Variants in LRFN5 observed in about 807,000 individuals in gnomAD.
LRFN5 encodes leucine-rich repeat and fibronectin type-III domain-containing protein 5.
LRFN5 carries 24 observed loss-of-function variants against 45.6 expected under a neutral mutation model. The ratio of observed to expected loss-of-function variants is 0.53; its 90% CI spans 0.38 to 0.74. The LOEUF (loss-of-function observed/expected upper bound fraction) is 0.74. Ranked by LOEUF, LRFN5 falls within the 30% of genes least tolerant of loss-of-function variation. The pLI, the probability that LRFN5 is intolerant of heterozygous loss-of-function variation, is 0.00. For missense variants in LRFN5, 776 were observed against 861.5 expected, an observed-to-expected ratio of 0.90 and a Z score of 1.24; for synonymous variants, 340 against 313.8, an observed-to-expected ratio of 1.08 and a Z score of -0.88.
rs139897809 is a variant in LRFN5 at position 41,738,065 on chromosome 14, T to A, written c.-196-28789T>A. 2.6e-3 allele frequency among the ~76,000 whole-genome samples: 403 copies of A among 152,268 alleles called. 3 individuals carry two copies. The highest frequency in any genetic ancestry group is 4.3e-3 in the Non-Finnish European group (295 of 68,022). The stretch of plus-strand genomic sequence containing the variant: ...CAATCTTAAATAAAAAGAACAAAGC[T>A]GGAGGCATCACATTACCTGACTTCA... On this transcript the variant is annotated intron_variant, in intron 1 of 5. Transcript: ENST00000298119.
intron 1 of LRFN5, among the ~76,000 whole-genome samples, chr14:41,763,019 T>C (rs2138873355): frequency 6.6e-6 from 1 of 152,308 alleles, no homozygotes; most frequent in East Asian, 1.9e-4. Context: ...TATGAATATT[T>C]AAAATGAAGG....
intron 2 of LRFN5, among the ~76,000 whole-genome samples, chr14:41,773,259 C>T (rs1025718636): frequency 6.6e-6 from 1 of 152,152 alleles, no homozygotes; most frequent in Non-Finnish European, 1.5e-5. Context: ...GACTGTTTCT[C>T]CCTGAGCAGC....
chr14:41,675,447 A>G (rs1025524989), intron 1 of LRFN5, among the ~76,000 whole-genome samples: 3 of 152,238 alleles, frequency 2.0e-5, no homozygotes, highest in Admixed American at 2.0e-4. Flanking sequence ...CCAAAAAATT[A>G]CGAAAACCAG....
intron 2 of LRFN5, among the ~76,000 whole-genome samples, chr14:41,829,650 C>T (rs1594446462): frequency 6.6e-6 from 1 of 151,738 alleles, no homozygotes. Flanking sequence ...AATTCCCTTT[C>T]ATTAAGTGGT....
At chr14:41,836,006 A>G (rs1158700495) in intron 2 of LRFN5, among the ~76,000 whole-genome samples, 1 of 152,028 alleles carries the variant, frequency 6.6e-6, no homozygotes, top group African/African-American at 2.4e-5. Flanking sequence ...TACTATAATA[A>G]TCCCATCTCT....
Position 41,887,753 on chromosome 14 carries a change from G to T in LRFN5, c.1128G>T (p.Lys376Asn), listed in dbSNP as rs758615574. The change falls in exon 3 of 6, where the codon AAG (lysine) becomes AAT (asparagine). Residue 376 changes from lysine (K) to asparagine (N), a missense_variant. By Grantham distance (94) the Lys-to-Asn change is moderately conservative. Transcript: ENST00000298119. This position sits in a 1 kb window ranked among gnomAD's most constrained non-coding sequence, Gnocchi z 4.8. ...AAATAGTGGATCTTCATATAATTAAGCTCCCTCACTTACTAAATAGTACAA... is the reference window on the plus strand; with the variant it reads ...AAATAGTGGATCTTCATATAATTAATCTCCCTCACTTACTAAATAGTACAA... ...ATQIVDLHII[K>N]LPHLLNSTNH... 2 of 1,613,776 alleles carry T rather than the reference G, an allele frequency of 1.2e-6. No homozygotes were observed. The highest frequency in any genetic ancestry group is 2.2e-5 in the East Asian group (1 of 44,874).
chr14:41,741,556 A>G (rs1884693114), intron 1 of LRFN5, among the ~76,000 whole-genome samples: 2 of 151,790 alleles, frequency 1.3e-5, no homozygotes, highest in African/African-American at 2.4e-5. Flanking sequence ...CAAAACGGAC[A>G]AAAGACCAAT....
chr14:41,778,990 A>T (rs1247762429), intron 2 of LRFN5, among the ~76,000 whole-genome samples: 1 of 151,746 alleles, frequency 6.6e-6, no homozygotes, highest in Non-Finnish European at 1.5e-5. Flanking sequence ...TGCAACATTT[A>T]TTCTCCTTTC....
chr14:41,646,639 CT>C lies in LRFN5; in HGVS notation c.-197+38085del, dbSNP rs539287604. Among the ~76,000 whole-genome samples the C allele has an allele frequency of 1.5e-4, 23 of 152,102 alleles. No individual in the cohort carries two copies. The South Asian group carries it at 2.3e-3, about 15-fold the overall frequency. ...CTGATAAGCTCGCAACATCATTTTA[CT>C]TTTTTTTGTTTTTGATTTTATGTTA... On this transcript the variant is annotated intron_variant, in intron 1 of 5. Coordinates refer to ENST00000298119, the MANE Select transcript of LRFN5 (RefSeq NM_152447.5).
At chr14:41,633,867 T>G (rs1888635469) in intron 1 of LRFN5, among the ~76,000 whole-genome samples, 1 of 152,070 alleles carries the variant, frequency 6.6e-6, no homozygotes, top group African/African-American at 2.4e-5. Context: ...GTATGTATGT[T>G]TTTTCCCTAT....
intron 2 of LRFN5, among the ~76,000 whole-genome samples, chr14:41,802,913 A>G (rs969630113): frequency 1.3e-5 from 2 of 152,144 alleles, no homozygotes; most frequent in Non-Finnish European, 2.9e-5. Context: ...ACTGAAGACA[A>G]ATTGTAAGAC....
intron 2 of LRFN5, among the ~76,000 whole-genome samples, chr14:41,780,848 G>A (rs553184779): frequency 1.3e-5 from 2 of 151,814 alleles, no homozygotes; most frequent in African/African-American, 4.8e-5. Flanking sequence ...AAAATTTATA[G>A]TACGGTTGCC....
chr14:41,751,671 A>G (rs1885138103), intron 1 of LRFN5, among the ~76,000 whole-genome samples: 1 of 152,110 alleles, frequency 6.6e-6, no homozygotes, highest in South Asian at 2.1e-4. Context: ...ACTTAACCTT[A>G]AGTATCTTAC....
At chr14:41,814,861 C>A (rs185299698) in intron 2 of LRFN5, among the ~76,000 whole-genome samples, 24 of 151,910 alleles carry the variant, frequency 1.6e-4, no homozygotes, top group Admixed American at 9.2e-4. Flanking sequence ...ACTTCTGAGA[C>A]GGAATAACAT....
At chr14:41,682,315 TACAA>T (rs1289599429) in intron 1 of LRFN5, among the ~76,000 whole-genome samples, 2 of 151,856 alleles carry the variant, frequency 1.3e-5, no homozygotes, top group Non-Finnish European at 2.9e-5. Context: ...TATAATAAGA[TACAA>T]ACAAACAACA....
chr14:41,707,936 T>A (rs1005330285), intron 1 of LRFN5, among the ~76,000 whole-genome samples: 1 of 152,224 alleles, frequency 6.6e-6, no homozygotes, highest in East Asian at 1.9e-4. Context: ...AATTAAAAGA[T>A]GTTCAAAAAC....
At chr14:41,781,637 A>G (rs893702903) in intron 2 of LRFN5, among the ~76,000 whole-genome samples, 4 of 150,134 alleles carry the variant, frequency 2.7e-5, no homozygotes, top group Non-Finnish European at 5.9e-5. Context: ...AAAGAAAGGA[A>G]AGAAAGAAAG....
chr14:41,810,692 T>C (rs773714958), intron 2 of LRFN5, among the ~76,000 whole-genome samples: 2 of 152,106 alleles, frequency 1.3e-5, no homozygotes, highest in Admixed American at 6.6e-5. Flanking sequence ...ATTATATTTA[T>C]CATTAAGTTG....
intron 1 of LRFN5, among the ~76,000 whole-genome samples, chr14:41,654,047 G>A (rs533266631): frequency 1.1e-3 from 164 of 152,100 alleles, no homozygotes; most frequent in Non-Finnish European, 1.5e-3. Flanking sequence ...AGGGCCTGTC[G>A]TGGGGTTGGG....
Sources: allele counts gnomAD v4.1 joint callset (sites outside exome capture counted in the v4.1 genomes callset), GRCh38; gene constraint gnomAD v4.1.1; non-coding constraint Gnocchi (gnomAD v3.1); transcripts MANE v1.5; gene names NCBI Gene and HGNC (gene_info 2026-07-23, HGNC 2026-07-21).